The following UBE2E2 variants were observed in gnomAD, a reference collection of about 807,000 sequenced individuals.
UBE2E2 encodes ubiquitin conjugating enzyme E2 E2.
Under a neutral mutation model 24.7 loss-of-function variants are expected in UBE2E2, and 6 were observed. The observed-to-expected ratio is 0.24, with a 90% CI of 0.13 to 0.48. UBE2E2 has a LOEUF of 0.48. Ranked by LOEUF, UBE2E2 falls within the 20% of genes least tolerant of loss-of-function variation. UBE2E2 has a pLI of 0.99. For missense variants in UBE2E2, 169 were observed against 245.0 expected (o/e 0.69, Z 2.07); for synonymous variants, 104 against 83.6 (o/e 1.24, Z -1.33).
At chr3:23,306,560 A>T (rs1699242446) in intron 3 of UBE2E2, among the ~76,000 whole-genome samples, 1 of 152,244 alleles carries the variant, frequency 6.6e-6, no homozygotes, top group African/African-American at 2.4e-5. Context: ...ACAAAGAGGT[A>T]AATAAATATC....
At chr3:23,365,415 A>G (rs548413602) in intron 3 of UBE2E2, among the ~76,000 whole-genome samples, 78 of 152,246 alleles carry the variant, frequency 5.1e-4, no homozygotes, top group Non-Finnish European at 7.2e-4. Context: ...CAACTTCAGT[A>G]AAGTCTCAGA....
At chr3:23,392,412 G>T (rs1696960423) in intron 3 of UBE2E2, among the ~76,000 whole-genome samples, 1 of 152,010 alleles carries the variant, frequency 6.6e-6, no homozygotes, top group Admixed American at 6.6e-5. Context: ...AGTAGCTTGG[G>T]TTTGCATTCT....
chr3:23,314,272 G>A (rs1694506745), intron 3 of UBE2E2, among the ~76,000 whole-genome samples: 1 of 152,172 alleles, frequency 6.6e-6, no homozygotes, highest in African/African-American at 2.4e-5. Flanking sequence ...GGGACCAAAG[G>A]TGCACACCAC....
chr3:23,536,190 C>T (rs1695259171), intron 5 of UBE2E2, among the ~76,000 whole-genome samples: 1 of 152,088 alleles, frequency 6.6e-6, no homozygotes. Flanking sequence ...TATATGAAAT[C>T]TGTTTCTTTA....
intron 3 of UBE2E2, among the ~76,000 whole-genome samples, chr3:23,421,665 C>G (rs1465656057): frequency 6.6e-6 from 1 of 152,234 alleles, no homozygotes; most frequent in Non-Finnish European, 1.5e-5. Context: ...CTCGGCCTCT[C>G]AAAGTGCTGG....
At position 23,522,235 on chromosome 3, in the gene UBE2E2, G is replaced by T. The variant is rs530438134; in HGVS notation, c.361-10319G>T. Among the ~76,000 whole-genome samples, 6 of 148,990 alleles carry T rather than the reference G, an allele frequency of 4.0e-5. No homozygotes were observed. In the East Asian group the frequency reaches 6.0e-4, roughly 15 times the overall value. On this transcript the variant is annotated intron_variant, in intron 4 of 5. Transcript: ENST00000396703. Reference sequence around the variant, plus strand: ...AAGCTCCGCCTCCCGGGTTCGCGCCGTTCTCCTGCCTCAGCCTCCGGAGTA... The same window carrying T: ...AAGCTCCGCCTCCCGGGTTCGCGCCTTTCTCCTGCCTCAGCCTCCGGAGTA...
chr3:23,378,701 T>C (rs960477928), intron 3 of UBE2E2, among the ~76,000 whole-genome samples: 3 of 152,200 alleles, frequency 2.0e-5, no homozygotes, highest in East Asian at 1.9e-4. Flanking sequence ...CATTTACTTA[T>C]GCTTTTTTAA....
chr3:23,221,826 G>A (rs781425751), intron 3 of UBE2E2, among the ~76,000 whole-genome samples: 3 of 151,924 alleles, frequency 2.0e-5, no homozygotes, highest in Admixed American at 6.6e-5. Context: ...TAGTAGAGAC[G>A]GGGTTTCACC....
chr3:23,209,488 T>C (rs527294463), intron 2 of UBE2E2, among the ~76,000 whole-genome samples: 1 of 152,354 alleles, frequency 6.6e-6, no homozygotes, highest in South Asian at 2.1e-4. Flanking sequence ...CTGTTTGATA[T>C]TGTTACATTA....
At position 23,261,174 on chromosome 3, in the gene UBE2E2, A is replaced by ATT. The variant is rs373005556; in HGVS notation, c.227+43876_227+43877dup. On this transcript the variant is annotated intron_variant, in intron 3 of 5. Transcript: ENST00000396703. ...TGGTAAGCAGTGTAACTGTGGTAGAATTTTTTTTTTTTTTTAAAGCTTAGG... is the reference window on the plus strand; with the variant it reads ...TGGTAAGCAGTGTAACTGTGGTAGAATTTTTTTTTTTTTTTTTAAAGCTTAGG... Among the ~76,000 whole-genome samples, 340 of 146,416 alleles carry ATT rather than the reference A, an allele frequency of 2.3e-3. 3 individuals are homozygous for ATT. Among genetic ancestry groups the ATT allele is most frequent in the African/African-American group, 8.1e-3 (323 of 40,078 alleles).
chr3:23,350,733 A>G (rs1163044043), intron 3 of UBE2E2, among the ~76,000 whole-genome samples: 1 of 152,240 alleles, frequency 6.6e-6, no homozygotes, highest in Non-Finnish European at 1.5e-5. Flanking sequence ...ATATGGGACT[A>G]TGTGAAAAGA....
intron 3 of UBE2E2, among the ~76,000 whole-genome samples, chr3:23,452,859 G>A (rs1482631676): frequency 6.6e-6 from 1 of 152,130 alleles, no homozygotes; most frequent in African/African-American, 2.4e-5. Flanking sequence ...TTCTTTTTAT[G>A]CCGTCTCTTG....
intron 4 of UBE2E2, among the ~76,000 whole-genome samples, chr3:23,515,603 TAGAC>T (rs1054573294): frequency 3.9e-5 from 6 of 152,220 alleles, no homozygotes; most frequent in East Asian, 1.9e-4. Flanking sequence ...CTGTAAAAAT[TAGAC>T]AGACACTTGA....
intron 4 of UBE2E2, among the ~76,000 whole-genome samples, chr3:23,529,280 G>A (rs980417108): frequency 3.3e-5 from 5 of 152,084 alleles, no homozygotes; most frequent in Non-Finnish European, 7.3e-5. Flanking sequence ...TACTTAATAT[G>A]CATGAGTGCA....
intron 3 of UBE2E2, among the ~76,000 whole-genome samples, chr3:23,301,549 C>A (rs1699092674): frequency 6.6e-6 from 1 of 152,208 alleles, no homozygotes; most frequent in Admixed American, 6.5e-5. Context: ...GAGGTCCACT[C>A]CAGACCCTGT....
At chr3:23,560,336 A>G (rs1431183506) in intron 5 of UBE2E2, among the ~76,000 whole-genome samples, 2 of 150,948 alleles carry the variant, frequency 1.3e-5, no homozygotes, top group Non-Finnish European at 2.9e-5. Flanking sequence ...CTGTCCTTGC[A>G]ATAGTTTGCT....
intron 3 of UBE2E2, among the ~76,000 whole-genome samples, chr3:23,456,261 C>G (rs541589103): frequency 6.6e-6 from 1 of 152,268 alleles, no homozygotes; most frequent in African/African-American, 2.4e-5. Context: ...AAATCAAACC[C>G]CTCAAATCAT....
chr3:23,587,424 G>T (rs1308651959), intron 5 of UBE2E2, among the ~76,000 whole-genome samples: 1 of 152,176 alleles, frequency 6.6e-6, no homozygotes, highest in African/African-American at 2.4e-5. Flanking sequence ...ATATAAGTCA[G>T]TGTTATTCTT....
chr3:23,438,137 G>A (rs1698222269), intron 3 of UBE2E2, among the ~76,000 whole-genome samples: 1 of 152,176 alleles, frequency 6.6e-6, no homozygotes, highest in African/African-American at 2.4e-5. Flanking sequence ...TTTCTGTAAA[G>A]CATTTTAACT....
Sources: gnomAD v4.1 joint callset for allele counts (sites outside exome capture counted in the v4.1 genomes callset) on GRCh38, gnomAD v4.1.1 for gene constraint, MANE v1.5 for transcripts, NCBI Gene and HGNC (gene_info 2026-07-23, HGNC 2026-07-21) for gene names.